Variants in LIPC observed in about 807,000 individuals in gnomAD.
LIPC encodes lipase C, hepatic type.
LIPC carries 44 observed loss-of-function variants against 50.7 expected under a neutral mutation model. That is an observed-to-expected ratio of 0.87 (90% CI 0.68 to 1.11). The LOEUF (loss-of-function observed/expected upper bound fraction) is 1.11, where lower values mean the gene tolerates loss of function less well. Ranked by LOEUF, LIPC falls within the 50% of genes most tolerant of loss-of-function variation. The pLI, the probability that LIPC is intolerant of heterozygous loss-of-function variation, is 0.00. For synonymous variants in LIPC, 271 were observed against 256.4 expected (o/e 1.06, Z -0.54); for missense variants, 697 against 648.2 (o/e 1.08, Z -0.82).
At chr15:58,437,739 T>C (rs182561627) in intron 1 of LIPC, among the ~76,000 whole-genome samples, 1 of 152,326 alleles carries the variant, frequency 6.6e-6, no homozygotes, top group Admixed American at 6.5e-5. Flanking sequence ...ATGTCACCCA[T>C]GACTAATATT....
intron 1 of LIPC, among the ~76,000 whole-genome samples, chr15:58,536,676 ACT>A (rs1400476540): frequency 1.3e-5 from 2 of 152,158 alleles, no homozygotes; most frequent in East Asian, 1.9e-4. Context: ...GCAAGCTGAG[ACT>A]CTCTATAAGC....
At chr15:58,504,583 C>T (rs1156773199) in intron 1 of LIPC, among the ~76,000 whole-genome samples, 1 of 152,192 alleles carries the variant, frequency 6.6e-6, no homozygotes, top group African/African-American at 2.4e-5. Flanking sequence ...GGCCCAGCAT[C>T]GACCTGGCCT....
chr15:58,558,865 G>T (rs998215746), intron 6 of LIPC, among the ~76,000 whole-genome samples: 1 of 152,200 alleles, frequency 6.6e-6, no homozygotes, highest in Non-Finnish European at 1.5e-5. Flanking sequence ...CTTAGTATTT[G>T]GCTCTTGTTG....
At chr15:58,542,885 A>C (rs1222309929) in intron 4 of LIPC, among the ~76,000 whole-genome samples, 1 of 152,212 alleles carries the variant, frequency 6.6e-6, no homozygotes, top group Non-Finnish European at 1.5e-5. Flanking sequence ...TCAAACGAAT[A>C]CCTCATGTTG....
At chr15:58,471,835 C>A (rs994117350) in intron 1 of LIPC, among the ~76,000 whole-genome samples, 1 of 152,226 alleles carries the variant, frequency 6.6e-6, no homozygotes, top group African/African-American at 2.4e-5. Context: ...TACTGCCCTA[C>A]CAGTCCAGCC....
At chr15:58,463,551 T>C (rs1383621109) in intron 1 of LIPC, among the ~76,000 whole-genome samples, 2 of 152,198 alleles carry the variant, frequency 1.3e-5, no homozygotes, top group Non-Finnish European at 2.9e-5. Context: ...AACTCGTCTA[T>C]CCTACCTGAG....
intron 6 of LIPC, among the ~76,000 whole-genome samples, chr15:58,560,221 C>T (rs1253231552): frequency 6.6e-6 from 1 of 152,150 alleles, no homozygotes; most frequent in African/African-American, 2.4e-5. Context: ...TCCAACCAAC[C>T]CATCAGTAGG....
chr15:58,470,779 T>C (rs1894765801), intron 1 of LIPC, among the ~76,000 whole-genome samples: 1 of 152,120 alleles, frequency 6.6e-6, no homozygotes, highest in Admixed American at 6.5e-5. Context: ...TTTATATTTT[T>C]AGTAGACATG....
Position 58,548,251 on chromosome 15 carries a change from A to C in LIPC, c.809-79A>C, listed in dbSNP as rs1007543. 0.99 allele frequency: 1,593,307 copies of C among 1,604,842 alleles called. 791,600 individuals carry two copies. The highest frequency in any genetic ancestry group is 1 in the East Asian group (44,804 of 44,804). On this transcript the variant is annotated intron_variant, in intron 5 of 8. Coordinates refer to ENST00000299022, the MANE Select transcript of LIPC (RefSeq NM_000236.3). The stretch of plus-strand genomic sequence containing the variant: ...TGTGCTACTGCTAACCTCCTGTGGG[A>C]TGAGAACCAAGGTGATCCTCTGAGT...
intron 1 of LIPC, among the ~76,000 whole-genome samples, chr15:58,500,626 C>G (rs891553064): frequency 6.6e-6 from 1 of 152,146 alleles, no homozygotes; most frequent in Non-Finnish European, 1.5e-5. Flanking sequence ...TTCATATGTG[C>G]TGCTACTAAG....
At chr15:58,537,173 T>C (rs991113859) in intron 1 of LIPC, among the ~76,000 whole-genome samples, 1 of 152,132 alleles carries the variant, frequency 6.6e-6, no homozygotes, top group South Asian at 2.1e-4. Flanking sequence ...GATGCGCCCA[T>C]CTTGACATGC....
At chr15:58,451,659 A>C (rs1893902771) in intron 1 of LIPC, among the ~76,000 whole-genome samples, 1 of 152,086 alleles carries the variant, frequency 6.6e-6, no homozygotes, top group African/African-American at 2.4e-5. Context: ...GATCAACTTT[A>C]CCCAAACAGG....
At chr15:58,485,949 C>T (rs1024787201) in intron 1 of LIPC, among the ~76,000 whole-genome samples, 1 of 152,192 alleles carries the variant, frequency 6.6e-6, no homozygotes, top group Non-Finnish European at 1.5e-5. Context: ...AGAAAATGCC[C>T]CTCTTTCATC....
intron 1 of LIPC, among the ~76,000 whole-genome samples, chr15:58,514,891 A>C (rs1275372142): frequency 1.3e-5 from 2 of 152,222 alleles, no homozygotes; most frequent in African/African-American, 4.8e-5. Context: ...AAATTACTAC[A>C]AATTTAATTA....
intron 1 of LIPC, among the ~76,000 whole-genome samples, chr15:58,485,525 G>C (rs533108969): frequency 1.5e-5 from 2 of 134,230 alleles, no homozygotes; most frequent in South Asian, 5.0e-4. Context: ...TGCTGATCTC[G>C]GGCTAAGGGC....
At chr15:58,476,088 G>A (rs1462971398) in intron 1 of LIPC, among the ~76,000 whole-genome samples, 2 of 152,250 alleles carry the variant, frequency 1.3e-5, no homozygotes, top group African/African-American at 4.8e-5. Flanking sequence ...TAGGAAGAGA[G>A]CAGTCCTGTT....
At chr15:58,519,804 A>G (rs1892600226) in intron 1 of LIPC, among the ~76,000 whole-genome samples, 1 of 152,154 alleles carries the variant, frequency 6.6e-6, no homozygotes, top group Non-Finnish European at 1.5e-5. Flanking sequence ...GTTTCTTTAC[A>G]TTTTAAGGTG....
chr15:58,558,951 C>T (rs1285385255), intron 6 of LIPC, among the ~76,000 whole-genome samples: 1 of 152,182 alleles, frequency 6.6e-6, no homozygotes, highest in Non-Finnish European at 1.5e-5. Flanking sequence ...CTCACATGAG[C>T]AAATTATATA....
intron 8 of LIPC, chr15:58,566,583 G>A (rs745339606): frequency 7.9e-5 from 36 of 455,104 alleles, no homozygotes; most frequent in Non-Finnish European, 1.0e-4. Context: ...GGGAAAAGAA[G>A]TAGGTTAAGT....
Sources: allele counts gnomAD v4.1 joint callset (sites outside exome capture counted in the v4.1 genomes callset), GRCh38; gene constraint gnomAD v4.1.1; transcripts MANE v1.5; gene names NCBI Gene and HGNC (gene_info 2026-07-23, HGNC 2026-07-21).